ABHD3: variants seen among roughly 807,000 people sequenced by gnomAD.
ABHD3 encodes the protein phospholipase ABHD3.
ABHD3 carries 46 observed loss-of-function variants against 48.8 expected under a neutral mutation model. The ratio of observed to expected loss-of-function variants is 0.94; its 90% CI spans 0.74 to 1.20. The LOEUF (loss-of-function observed/expected upper bound fraction) is 1.20. Ranked by LOEUF, ABHD3 falls within the 50% of genes most tolerant of loss-of-function variation. The pLI is 0.00. For missense variants in ABHD3, 490 were observed against 497.8 expected (o/e 0.98, Z 0.15); for synonymous variants, 192 against 183.7 (o/e 1.04, Z -0.36).
intron 3 of ABHD3, among the ~76,000 whole-genome samples, chr18:21,691,508 G>A (rs985237446): frequency 5.3e-5 from 8 of 152,082 alleles, no homozygotes; most frequent in Non-Finnish European, 1.0e-4. Flanking sequence ...TAAAACAAAT[G>A]AACATAATTC....
intron 3 of ABHD3, among the ~76,000 whole-genome samples, chr18:21,696,268 C>A (rs2040368599): frequency 6.6e-6 from 1 of 151,784 alleles, no homozygotes; most frequent in African/African-American, 2.4e-5. Flanking sequence ...CTCAACCTCT[C>A]AAGTAGCTGG....
chr18:21,664,875 T>C (rs2146291731), intron 4 of ABHD3, among the ~76,000 whole-genome samples: 1 of 152,300 alleles, frequency 6.6e-6, no homozygotes, highest in Non-Finnish European at 1.5e-5. Context: ...GTTACAGTGA[T>C]TCACCTGCTT....
intron 4 of ABHD3, among the ~76,000 whole-genome samples, chr18:21,680,417 C>T (rs1027376281): frequency 6.6e-6 from 1 of 152,214 alleles, no homozygotes; most frequent in African/African-American, 2.4e-5. Context: ...GGTTATTTGA[C>T]TTGTACTTTA....
chr18:21,655,440 C>T (rs936722067), intron 8 of ABHD3, among the ~76,000 whole-genome samples: 6 of 151,916 alleles, frequency 3.9e-5, no homozygotes, highest in African/African-American at 1.5e-4. Flanking sequence ...GCACATGCCA[C>T]CATGCCCAGC....
chr18:21,656,754 T>G, intron 8 of ABHD3, 107 bp downstream of exon 8: 1 of 1,133,828 alleles, frequency 8.8e-7, no homozygotes, highest in Non-Finnish European at 1.2e-6. Flanking sequence ...TCTAGTTTTT[T>G]TATCATAATG....
At position 21,681,924 on chromosome 18, in the gene ABHD3, G is replaced by T. The variant is rs546696910; in HGVS notation, c.555+1996C>A. On this transcript the variant is annotated intron_variant, in intron 4 of 8. Coordinates refer to ENST00000289119, the MANE Select transcript of ABHD3 (RefSeq NM_138340.5). ...GCATCGCTTGAGCCCAGGAGTTTAA[G>T]AGCAGCCTGGGCAACAGAGTGAGAC... Among the ~76,000 whole-genome samples the T allele has an allele frequency of 4.1e-4, 63 of 152,174 alleles. 2 individuals are homozygous for T. In the East Asian group the frequency reaches 0.011, roughly 28 times the overall value.
At chr18:21,684,589 C>T (rs556623943) in intron 3 of ABHD3, among the ~76,000 whole-genome samples, 1 of 152,224 alleles carries the variant, frequency 6.6e-6, no homozygotes, top group African/African-American at 2.4e-5. Context: ...TCCCAAAGTG[C>T]TGGGATTACA....
At chr18:21,677,361 ATTTTTTT>A (rs564576359) in intron 4 of ABHD3, among the ~76,000 whole-genome samples, 1 of 139,668 alleles carries the variant, frequency 7.2e-6, no homozygotes, top group Non-Finnish European at 1.6e-5. Flanking sequence ...CGCCTGGCAA[ATTTTTTT>A]TTTTTTTTTT....
chr18:21,663,870 A>C, intron 5 of ABHD3: 3 of 1,472,428 alleles, frequency 2.0e-6, no homozygotes, highest in Non-Finnish European at 2.7e-6. Context: ...CATGGGCTTC[A>C]GACAAACCTT....
chr18:21,700,588 C>T (rs1381671364), intron 3 of ABHD3, among the ~76,000 whole-genome samples: 5 of 151,204 alleles, frequency 3.3e-5, no homozygotes, highest in Non-Finnish European at 5.9e-5. Context: ...TTAGTAGAGA[C>T]GAGGTTTCAC....
At chr18:21,671,228 T>TA (rs1199587947) in intron 4 of ABHD3, among the ~76,000 whole-genome samples, 1 of 152,104 alleles carries the variant, frequency 6.6e-6, no homozygotes, top group African/African-American at 2.4e-5. Flanking sequence ...CCTGATTAAC[T>TA]AATAAGTTCT....
chr18:21,668,721 G>C (rs903049725), intron 4 of ABHD3, among the ~76,000 whole-genome samples: 3 of 152,160 alleles, frequency 2.0e-5, no homozygotes, highest in Non-Finnish European at 4.4e-5. Context: ...CTCAGATATA[G>C]GGGCTGATTT....
chr18:21,669,950 T>C lies in ABHD3; in HGVS notation c.556-5720A>G, dbSNP rs984657262. ...ACACCAGGAAGCACCCGCGGGAGAG[T>C]GGCAGAGTGAGTCAGGAAAGGCAGG... On this transcript the variant is annotated intron_variant, in intron 4 of 8. Coordinates refer to ENST00000289119, the MANE Select transcript of ABHD3 (RefSeq NM_138340.5). Among the ~76,000 whole-genome samples, 3 of 150,022 alleles carry C rather than the reference T, an allele frequency of 2.0e-5. No homozygotes were observed. The East Asian group carries it at 5.9e-4, about 29-fold the overall frequency.
chr18:21,668,200 C>CAAAAAAAAAAAAAAAAA (rs747590942), intron 4 of ABHD3, among the ~76,000 whole-genome samples: 12 of 61,314 alleles, frequency 2.0e-4, no homozygotes, highest in African/African-American at 6.0e-4. Context: ...GAATCTATCT[C>CAAAAAAAAAAAAAAAAA]AAAAAAAAAA....
chr18:21,666,744 C>A (rs1356737159), intron 4 of ABHD3, among the ~76,000 whole-genome samples: 3 of 152,148 alleles, frequency 2.0e-5, no homozygotes, highest in Non-Finnish European at 2.9e-5. Flanking sequence ...ATATATAACA[C>A]ATTTAAACAC....
intron 6 of ABHD3, among the ~76,000 whole-genome samples, chr18:21,657,913 T>G (rs2039395684): frequency 6.6e-6 from 1 of 151,894 alleles, no homozygotes; most frequent in African/African-American, 2.4e-5. Flanking sequence ...AACAGAAATA[T>G]CTCTGCTGGG....
At chr18:21,663,802 G>A (rs1026005441) in intron 5 of ABHD3, 1 of 1,533,454 alleles carries the variant, frequency 6.5e-7, no homozygotes, top group South Asian at 1.2e-5. Context: ...GGGATGGCTG[G>A]GAGTGCGTCA....
rs764116075 is a variant in ABHD3, at chr18:21,663,649, C to CAACAA, written c.668+464_668+468dup. 3.0e-5 allele frequency: 46 copies of CAACAA among 1,533,196 alleles called. 1 individual carries two copies. Among genetic ancestry groups the CAACAA allele is most frequent in the African/African-American group, 2.5e-4 (18 of 73,088 alleles). The allele number at this position is 1,533,196 out of a possible 1,614,324, so 95.0% of individuals were successfully genotyped here. On this transcript the variant is annotated intron_variant, in intron 5 of 8. Coordinates refer to ENST00000289119, the MANE Select transcript of ABHD3 (RefSeq NM_138340.5). ...CTCCACAGTAGTTCCATTTGCCCAGCAACAAAACAAAACAAAACAAAATAC... is the reference window on the plus strand; with the variant it reads ...CTCCACAGTAGTTCCATTTGCCCAGCAACAAAACAAAACAAAACAAAACAAAATAC...
intron 3 of ABHD3, among the ~76,000 whole-genome samples, chr18:21,688,262 T>C (rs1861803806): frequency 6.6e-6 from 1 of 152,206 alleles, no homozygotes; most frequent in African/African-American, 2.4e-5. Context: ...TATCAGGCAA[T>C]CTGAAATATT....
Sources: allele counts gnomAD v4.1 joint callset (sites outside exome capture counted in the v4.1 genomes callset), GRCh38; gene constraint gnomAD v4.1.1; transcripts MANE v1.5; gene names NCBI Gene and HGNC (gene_info 2026-07-23, HGNC 2026-07-21).